Variants in IFT43 observed in about 807,000 individuals in gnomAD.
IFT43 encodes intraflagellar transport protein 43 homolog.
IFT43 carries 33 observed loss-of-function variants against 32.3 expected under a neutral mutation model. That is an observed-to-expected ratio of 1.02 (90% CI 0.77 to 1.37). The LOEUF (loss-of-function observed/expected upper bound fraction) is 1.37. Ranked by LOEUF, IFT43 falls within the 40% of genes most tolerant of loss-of-function variation. IFT43 has a pLI of 0.00. For missense variants in IFT43, 274 were observed against 265.9 expected (o/e 1.03, Z -0.21); for synonymous variants, 93 against 98.2 (o/e 0.95, Z 0.31).
chr14:76,016,186 C>T (rs2036184971), intron 2 of IFT43, among the ~76,000 whole-genome samples: 1 of 152,060 alleles, frequency 6.6e-6, no homozygotes, highest in Non-Finnish European at 1.5e-5. Flanking sequence ...TTTATACTGT[C>T]AGGTCTTACA....
At chr14:76,005,683 T>C (rs1415374689) in intron 2 of IFT43, among the ~76,000 whole-genome samples, 1 of 152,226 alleles carries the variant, frequency 6.6e-6, no homozygotes, top group African/African-American at 2.4e-5. Flanking sequence ...AAATTGCAGC[T>C]TTCTGCTGGA....
intron 5 of IFT43, among the ~76,000 whole-genome samples, chr14:76,075,709 C>T (rs1343458983): frequency 6.6e-6 from 1 of 152,206 alleles, no homozygotes; most frequent in Non-Finnish European, 1.5e-5. Context: ...GATGCCACCT[C>T]AGTGGACTTG....
chr14:76,049,475 A>G (rs1179232900), intron 3 of IFT43, among the ~76,000 whole-genome samples: 2 of 149,552 alleles, frequency 1.3e-5, no homozygotes, highest in East Asian at 1.9e-4. Flanking sequence ...TTTTTTTACA[A>G]TTATTTCCCT....
intron 2 of IFT43, among the ~76,000 whole-genome samples, chr14:76,003,428 C>G (rs1594809437): frequency 6.6e-6 from 1 of 152,026 alleles, no homozygotes; most frequent in Non-Finnish European, 1.5e-5. Flanking sequence ...GAGTTCAGGA[C>G]CAGCCTGGCC....
At chr14:76,021,172 A>C (rs2036283811) in intron 2 of IFT43, among the ~76,000 whole-genome samples, 1 of 151,910 alleles carries the variant, frequency 6.6e-6, no homozygotes, top group Non-Finnish European at 1.5e-5. Context: ...TCAGGCCCCT[A>C]GATGGCATAC....
chr14:76,022,876 A>T (rs139051307), intron 3 of IFT43, among the ~76,000 whole-genome samples: 1 of 152,318 alleles, frequency 6.6e-6, no homozygotes, highest in Non-Finnish European at 1.5e-5. Context: ...GTAACTGCTG[A>T]TGAACTGTGC....
intron 2 of IFT43, among the ~76,000 whole-genome samples, chr14:75,990,315 T>C (rs539306046): frequency 1.3e-5 from 2 of 152,264 alleles, no homozygotes; most frequent in African/African-American, 2.4e-5. Flanking sequence ...AATCACCATA[T>C]GGACTGGATA....
Position 76,083,250 on chromosome 14 carries a change from C to T in IFT43, c.468C>T (p.Leu156=), listed in dbSNP as rs563086463. 5.0e-5 allele frequency: 81 copies of T among 1,614,158 alleles called. No homozygotes were observed. The South Asian group carries it at 7.8e-4, about 16-fold the overall frequency. The change falls in exon 8 of 9, where the codon CTC becomes CTT. Residue 156 remains leucine (L), a synonymous_variant. Transcript: ENST00000314067. ...AGGATGGGGAGATCGACCTGAAACT[C>T]CTCACCAAAGTGCTCGCGCCGGAGC... The part of the protein sequence containing the change: ...QTLDGEIDLK[L]LTKVLAPEHE...
chr14:75,993,894 A>G (rs1351021012), intron 2 of IFT43, among the ~76,000 whole-genome samples: 3 of 152,172 alleles, frequency 2.0e-5, no homozygotes, highest in Non-Finnish European at 2.9e-5. Flanking sequence ...CAGTAGCCAG[A>G]GTCCTCACTA....
At position 76,082,456 on chromosome 14, in the gene IFT43, C is replaced by T. The variant is rs547255100; in HGVS notation, c.368+89C>T. On this transcript the variant is annotated intron_variant, in intron 6 of 8. Coordinates refer to ENST00000314067, the MANE Select transcript of IFT43 (RefSeq NM_001102564.3). ...ATCTATAGTGGACCTTGATGTCAAT[C>T]TGGATCTTTCTGGTGTTGGGCTCCA... 370 of 1,171,982 alleles carry T rather than the reference C, an allele frequency of 3.2e-4. 3 individuals carry two copies. The South Asian group carries it at 4.3e-3, about 14-fold the overall frequency. 72.6% of individuals were successfully genotyped at this position (1,171,982 alleles called of 1,614,324 possible).
chr14:76,020,695 G>A (rs534810771), intron 2 of IFT43, among the ~76,000 whole-genome samples: 1 of 152,288 alleles, frequency 6.6e-6, no homozygotes, highest in South Asian at 2.1e-4. Context: ...CTGTGACAAG[G>A]CTTTATTGCA....
chr14:76,082,202 C>A, intron 5 of IFT43, 93 bp from the exon 6 acceptor site: 1 of 1,131,344 alleles, frequency 8.8e-7, no homozygotes, highest in Non-Finnish European at 1.3e-6. Context: ...AGCCCCATGG[C>A]TGGTGTGTTG....
intron 3 of IFT43, 175 bp downstream of exon 3, chr14:76,022,569 G>A (rs2036313574): frequency 6.0e-6 from 3 of 502,470 alleles, no homozygotes; most frequent in Non-Finnish European, 7.2e-6. Context: ...ACAGAGTTGT[G>A]CAACCATTAA....
At chr14:76,073,820 G>A (rs377533147) in intron 5 of IFT43, among the ~76,000 whole-genome samples, 2 of 152,122 alleles carry the variant, frequency 1.3e-5, no homozygotes, top group African/African-American at 2.4e-5. Context: ...GAGCCCCGCC[G>A]CCCTTGATTG....
Position 76,082,816 on chromosome 14 carries a change from G to T in IFT43, c.444+124G>T, listed in dbSNP as rs572977078. ...CCAGTCCCCTGAGGCTGCCTGCCTGGCACCCATACCTCTGCTGCAGGTTTT... is the reference window on the plus strand; with the variant it reads ...CCAGTCCCCTGAGGCTGCCTGCCTGTCACCCATACCTCTGCTGCAGGTTTT... On this transcript the variant is annotated intron_variant, in intron 7 of 8. Coordinates refer to ENST00000314067, the MANE Select transcript of IFT43 (RefSeq NM_001102564.3). 13 of 788,474 alleles carry T rather than the reference G, an allele frequency of 1.6e-5. No individual in the cohort carries two copies. The African/African-American group carries it at 2.0e-4, about 12-fold the overall frequency. 48.8% of individuals were successfully genotyped at this position (788,474 alleles called of 1,614,324 possible).
At chr14:76,040,834 C>T (rs897485916) in intron 3 of IFT43, among the ~76,000 whole-genome samples, 3 of 152,206 alleles carry the variant, frequency 2.0e-5, no homozygotes, top group Non-Finnish European at 2.9e-5. Context: ...GGGGAGCACC[C>T]GATCCCCTAG....
At chr14:76,076,810 C>A in intron 5 of IFT43, 1 of 1,212,142 alleles carries the variant, frequency 8.2e-7, no homozygotes, top group Non-Finnish European at 1.2e-6. Flanking sequence ...GTATTTCAGG[C>A]CAAATGGCAG....
intron 2 of IFT43, among the ~76,000 whole-genome samples, chr14:76,005,136 A>G (rs2035957692): frequency 6.6e-6 from 1 of 152,222 alleles, no homozygotes; most frequent in Non-Finnish European, 1.5e-5. Flanking sequence ...TCATATGTCT[A>G]GTAATTTTGT....
intron 3 of IFT43, among the ~76,000 whole-genome samples, chr14:76,028,503 G>A (rs778499475): frequency 4.6e-5 from 7 of 151,956 alleles, no homozygotes; most frequent in Admixed American, 6.6e-5. Flanking sequence ...AGATATATGC[G>A]CAGGTTTGTT....
Sources: allele counts gnomAD v4.1 joint callset (sites outside exome capture counted in the v4.1 genomes callset), GRCh38; gene constraint gnomAD v4.1.1; transcripts MANE v1.5; gene names NCBI Gene and HGNC (gene_info 2026-07-23, HGNC 2026-07-21).